CRAMP1: variants seen among roughly 807,000 people sequenced by gnomAD.
The protein encoded by CRAMP1 is protein cramped-like.
Under a neutral mutation model 115.4 loss-of-function variants are expected in CRAMP1, and 50 were observed. The observed-to-expected ratio is 0.43, with a 90% CI of 0.35 to 0.55. CRAMP1 has a LOEUF of 0.55. CRAMP1 is among the 20% of genes least tolerant of loss of function. CRAMP1 has a pLI of 0.01. For synonymous variants in CRAMP1, 866 were observed against 745.4 expected (o/e 1.16, Z -2.64); for missense variants, 1,679 against 1,721.7 (o/e 0.98, Z 0.44).
At chr16:1,639,465 C>CA (rs1313821022) in intron 5 of CRAMP1, among the ~76,000 whole-genome samples, 1 of 151,408 alleles carries the variant, frequency 6.6e-6, no homozygotes, top group Non-Finnish European at 1.5e-5. Context: ...TAGTGGCCAG[C>CA]AATCAGAGAC....
intron 11 of CRAMP1, among the ~76,000 whole-genome samples, chr16:1,661,367 G>GTGAGA: frequency 7.1e-6 from 1 of 139,872 alleles, no homozygotes; most frequent in African/African-American, 2.7e-5. Flanking sequence ...GAGGGGTCCT[G>GTGAGA]GCCTCCTGGG....
chr16:1,673,326 C>T (rs1400455391), intron 20 of CRAMP1, among the ~76,000 whole-genome samples: 1 of 149,610 alleles, frequency 6.7e-6, no homozygotes, highest in Admixed American at 6.6e-5. Flanking sequence ...GTGTCCCCCA[C>T]CTGTCCTCAT....
intron 6 of CRAMP1, among the ~76,000 whole-genome samples, chr16:1,644,345 T>C (rs113062269): frequency 6.6e-6 from 1 of 152,320 alleles, no homozygotes; most frequent in African/African-American, 2.4e-5. Flanking sequence ...GGCTGCTGAA[T>C]AGTGTGTTCA....
chr16:1,639,024 C>T (rs78172002), intron 5 of CRAMP1, among the ~76,000 whole-genome samples: 3,045 of 152,144 alleles, frequency 0.02, 114 homozygotes, highest in African/African-American at 0.069. Flanking sequence ...TTCCTGCCGC[C>T]TCTCATCTGC....
intron 5 of CRAMP1, among the ~76,000 whole-genome samples, chr16:1,640,434 CT>C (rs1044153996): frequency 2.0e-5 from 3 of 152,092 alleles, no homozygotes; most frequent in African/African-American, 7.2e-5. Flanking sequence ...ACAATTTTGT[CT>C]TTGGTTTTGG....
At chr16:1,651,746 G>C (rs557435389) in intron 6 of CRAMP1, among the ~76,000 whole-genome samples, 1 of 150,512 alleles carries the variant, frequency 6.6e-6, no homozygotes, top group Admixed American at 6.6e-5. Context: ...GTCACACAGA[G>C]GTCATAGAGA....
intron 3 of CRAMP1, among the ~76,000 whole-genome samples, chr16:1,627,085 A>G (rs1376887854): frequency 6.6e-6 from 1 of 151,954 alleles, no homozygotes; most frequent in African/African-American, 2.4e-5. Flanking sequence ...TGCACGCTTC[A>G]TACTTTAGAC....
In CRAMP1 at chr16:1,656,433, A is replaced by G; in HGVS notation, c.1676A>G (p.Asp559Gly). 4 of 1,586,898 alleles carry G rather than the reference A, an allele frequency of 2.5e-6. No homozygotes were observed. The highest frequency in any genetic ancestry group is 3.4e-6 in the Non-Finnish European group (4 of 1,167,338). The change falls in exon 10 of 21, where the codon GAC (aspartate) becomes GGC (glycine). Residue 559 changes from aspartate (D) to glycine (G), a missense_variant. Around this residue, in one of 8 missense-constraint regions of CRAMP1, gnomAD observed 405 missense variants for 302.6 expected, o/e 1.34. Coordinates refer to ENST00000397412, the MANE Select transcript of CRAMP1 (RefSeq NM_020825.4). This position sits in a 1 kb window ranked among gnomAD's most constrained non-coding sequence, Gnocchi z 5.6. ...CTGGAGGACGAGCTCTCGCTTCTAG[A>G]CCCCTTGCCCCGCTACCTAAAGTCC... is the stretch of plus-strand genomic sequence containing the variant. ...PDLEDELSLL[D>G]PLPRYLKSCQ...
At chr16:1,667,274 T>G in intron 16 of CRAMP1, 61 bp from the exon 17 acceptor site, 1 of 1,367,374 alleles carries the variant, frequency 7.3e-7, no homozygotes, top group Non-Finnish European at 1.0e-6. Context: ...CTGTCGCGGG[T>G]GAGGGTATGG....
At position 1,676,776 on chromosome 16, in the gene CRAMP1, G is replaced by T. The variant is rs376283177; in HGVS notation, c.*2731G>T. Reference sequence around the variant, plus strand: ...CTGTTGTGGATGTGCAGTGATAAGCGGGCATTGCGTGCCTCGGGGGATGCC... The same window carrying T: ...CTGTTGTGGATGTGCAGTGATAAGCTGGCATTGCGTGCCTCGGGGGATGCC... On this transcript the variant is annotated 3_prime_UTR_variant, in exon 21 of 21. Coordinates refer to ENST00000397412, the MANE Select transcript of CRAMP1 (RefSeq NM_020825.4). 2 of 152,266 alleles carry T rather than the reference G, an allele frequency of 1.3e-5. No homozygotes were observed. The highest frequency in any genetic ancestry group is 2.1e-4 in the South Asian group (1 of 4,832). 9.4% of individuals were successfully genotyped at this position (152,266 alleles called of 1,614,324 possible).
At chr16:1,645,100 TTTAAG>T (rs1207687853) in intron 6 of CRAMP1, among the ~76,000 whole-genome samples, 1 of 151,794 alleles carries the variant, frequency 6.6e-6, no homozygotes, top group Non-Finnish European at 1.5e-5. Context: ...TTAGAGCAGT[TTTAAG>T]TTGACAGAAA....
chr16:1,650,083 C>T (rs1301472386), intron 6 of CRAMP1, among the ~76,000 whole-genome samples: 1 of 152,142 alleles, frequency 6.6e-6, no homozygotes, highest in South Asian at 2.1e-4. Flanking sequence ...CGTGAGCCAC[C>T]GTGCCCGGCT....
At chr16:1,625,940 G>A (rs1345649126) in intron 2 of CRAMP1, 33 bp from the exon 3 acceptor site, 1 of 1,549,792 alleles carries the variant, frequency 6.5e-7, no homozygotes, top group Non-Finnish European at 8.7e-7. Context: ...CAGCTTTCTG[G>A]AACAGATCAC....
At chr16:1,643,512 G>A (rs2036649479) in intron 6 of CRAMP1, among the ~76,000 whole-genome samples, 1 of 151,680 alleles carries the variant, frequency 6.6e-6, no homozygotes, top group African/African-American at 2.4e-5. Flanking sequence ...CTGTGCTCCA[G>A]CCTGGGTGAC....
intron 2 of CRAMP1, among the ~76,000 whole-genome samples, chr16:1,619,178 T>G (rs144267313): frequency 1.3e-5 from 2 of 152,224 alleles, no homozygotes; most frequent in Non-Finnish European, 2.9e-5. Flanking sequence ...GGGTTTTGTT[T>G]TTTGTTTTTG....
rs1261847270 is a variant in CRAMP1, at chr16:1,672,182, C to T, written c.3645+1373C>T. Among the ~76,000 whole-genome samples the T allele has an allele frequency of 6.6e-6, 1 of 152,202 alleles. No homozygotes were observed. Among genetic ancestry groups the T allele is most frequent in the Non-Finnish European group, 1.5e-5 (1 of 68,046 alleles). On this transcript the variant is annotated intron_variant, in intron 20 of 20. Coordinates refer to ENST00000397412, the MANE Select transcript of CRAMP1 (RefSeq NM_020825.4). This position sits in a 1 kb window ranked among gnomAD's most constrained non-coding sequence, Gnocchi z 4.9. ...TCAGAAATCCAGAGTGTTAGCCTCACCCCAATCAGAATTTGCACCTTTAAT... is the reference window on the plus strand; with the variant it reads ...TCAGAAATCCAGAGTGTTAGCCTCATCCCAATCAGAATTTGCACCTTTAAT...
intron 6 of CRAMP1, among the ~76,000 whole-genome samples, chr16:1,646,505 T>C (rs2036675558): frequency 1.3e-5 from 2 of 152,230 alleles, no homozygotes; most frequent in African/African-American, 4.8e-5. Flanking sequence ...GTGTCTTTGG[T>C]GAAGTACCTG....
rs1324649561 is a variant in CRAMP1 at position 1,661,111 on chromosome 16, C to G, written c.2413+1048C>G. On this transcript the variant is annotated intron_variant, in intron 11 of 20. Coordinates refer to ENST00000397412, the MANE Select transcript of CRAMP1 (RefSeq NM_020825.4). ...TTGGGAAACCAAGGCAAGAGGATCA[C>G]TTGAGGCCAGCCTGGGCAACATAGC... 2.0e-5 allele frequency among the ~76,000 whole-genome samples: 3 copies of G among 152,136 alleles called. No homozygotes were observed. In the East Asian group the frequency reaches 5.8e-4, roughly 29 times the overall value.
intron 6 of CRAMP1, among the ~76,000 whole-genome samples, 163 bp from the exon 7 acceptor site, chr16:1,652,333 G>T (rs537503967): frequency 4.6e-5 from 7 of 152,362 alleles, no homozygotes; most frequent in Admixed American, 4.6e-4. Context: ...ACCACTTCTT[G>T]TTTGTCACTG....
Sources: allele counts gnomAD v4.1 joint callset (sites outside exome capture counted in the v4.1 genomes callset), GRCh38; gene constraint gnomAD v4.1.1; regional missense constraint gnomAD v4.1.1; non-coding constraint Gnocchi (gnomAD v3.1); transcripts MANE v1.5; gene names NCBI Gene and HGNC (gene_info 2026-07-23, HGNC 2026-07-21).